The following TMC1 variants were observed in gnomAD, a reference collection of about 807,000 sequenced individuals.
TMC1 encodes transmembrane channel-like protein 1.
A neutral mutation model predicts 105.8 loss-of-function variants in TMC1; 84 were observed. The ratio of observed to expected loss-of-function variants is 0.79; its 90% CI spans 0.67 to 0.95. TMC1 has a LOEUF of 0.95. TMC1 is among the 40% of genes least tolerant of loss of function. The pLI is 0.00. For missense variants in TMC1, 817 were observed against 914.1 expected (o/e 0.89, Z 1.37); for synonymous variants, 315 against 311.5 (o/e 1.01, Z -0.12).
chr9:72,826,189 G>T (rs1035679761), intron 20 of TMC1, among the ~76,000 whole-genome samples: 1 of 152,098 alleles, frequency 6.6e-6, no homozygotes, highest in African/African-American at 2.4e-5. Context: ...GAATATTATG[G>T]TACAATTCTA....
intron 2 of TMC1, among the ~76,000 whole-genome samples, chr9:72,612,521 T>C (rs1204707900): frequency 6.6e-6 from 1 of 151,870 alleles, no homozygotes; most frequent in East Asian, 1.9e-4. Context: ...ATATTTTTGA[T>C]CTGTGAGTTA....
chr9:72,771,526 T>C (rs1003341452), intron 12 of TMC1, among the ~76,000 whole-genome samples: 2 of 152,190 alleles, frequency 1.3e-5, no homozygotes, highest in Non-Finnish European at 2.9e-5. Context: ...GATTCAGGGT[T>C]GACTCACCTG....
chr9:72,591,831 A>G (rs1320839433), intron 2 of TMC1, among the ~76,000 whole-genome samples: 1 of 152,136 alleles, frequency 6.6e-6, no homozygotes, highest in Admixed American at 6.6e-5. Context: ...TGGCCTCCCA[A>G]AGTGCTGGGA....
At chr9:72,572,647 A>T (rs1824308437) in intron 1 of TMC1, among the ~76,000 whole-genome samples, 1 of 152,124 alleles carries the variant, frequency 6.6e-6, no homozygotes, top group East Asian at 1.9e-4. Context: ...CAATTTGTAC[A>T]CTTTCTTGAT....
At chr9:72,766,114 G>A (rs1043692000) in intron 12 of TMC1, among the ~76,000 whole-genome samples, 1 of 152,118 alleles carries the variant, frequency 6.6e-6, no homozygotes, top group African/African-American at 2.4e-5. Flanking sequence ...GAGATTATGT[G>A]TGTAAAGTAT....
chr9:72,547,058 A>T (rs1402661080), intron 1 of TMC1, among the ~76,000 whole-genome samples: 1 of 152,158 alleles, frequency 6.6e-6, no homozygotes, highest in Non-Finnish European at 1.5e-5. Flanking sequence ...AGGCCAAGGC[A>T]AGTGGATCAC....
intron 13 of TMC1, among the ~76,000 whole-genome samples, chr9:72,788,122 T>G (rs1828200933): frequency 6.6e-6 from 1 of 152,210 alleles, no homozygotes; most frequent in East Asian, 1.9e-4. Flanking sequence ...GCTTAGTAGT[T>G]TATTAATCTT....
chr9:72,807,027 T>G (rs554025829), intron 18 of TMC1, among the ~76,000 whole-genome samples: 1 of 152,174 alleles, frequency 6.6e-6, no homozygotes, highest in African/African-American at 2.4e-5. Context: ...CTCGGGAGGC[T>G]GAGGCTGGCG....
chr9:72,811,599 G>C (rs775457621), intron 18 of TMC1, among the ~76,000 whole-genome samples: 19 of 152,144 alleles, frequency 1.2e-4, no homozygotes, highest in Non-Finnish European at 2.5e-4. Flanking sequence ...AGCAAGTAAA[G>C]AATATTCAAG....
intron 5 of TMC1, among the ~76,000 whole-genome samples, chr9:72,676,035 ATCC>A (rs1428935528): frequency 6.6e-6 from 1 of 152,182 alleles, no homozygotes; most frequent in African/African-American, 2.4e-5. Flanking sequence ...ACTAGAATTC[ATCC>A]TCCAATTGGT....
intron 8 of TMC1, among the ~76,000 whole-genome samples, chr9:72,702,956 G>T (rs780186549): frequency 1.3e-5 from 2 of 152,074 alleles, no homozygotes; most frequent in East Asian, 3.9e-4. Context: ...TAAGGAGACC[G>T]CACCTGACTC....
intron 8 of TMC1, among the ~76,000 whole-genome samples, chr9:72,711,866 T>C (rs1436950692): frequency 2.0e-5 from 3 of 152,260 alleles, no homozygotes; most frequent in Non-Finnish European, 4.4e-5. Context: ...TGAATGGTAT[T>C]GCCTAGGTTT....
At chr9:72,792,943 G>C (rs1828299903) in intron 17 of TMC1, among the ~76,000 whole-genome samples, 1 of 152,140 alleles carries the variant, frequency 6.6e-6, no homozygotes, top group Admixed American at 6.5e-5. Flanking sequence ...CCACCTGGTA[G>C]TGACATGAAG....
At chr9:72,627,872 C>A in intron 3 of TMC1, 49 bp from the exon 4 acceptor site, 2 of 366,054 alleles carry the variant, frequency 5.5e-6, no homozygotes, top group South Asian at 2.1e-5. Context: ...TGAAAAGGTA[C>A]TATTATTTTT....
intron 1 of TMC1, among the ~76,000 whole-genome samples, chr9:72,530,349 T>A (rs1823478314): frequency 6.6e-6 from 1 of 152,098 alleles, no homozygotes; most frequent in Non-Finnish European, 1.5e-5. Flanking sequence ...AATTTTTTTT[T>A]ATTTTTAGTA....
chr9:72,630,403 A>C (rs1825429305), intron 4 of TMC1, among the ~76,000 whole-genome samples: 1 of 152,182 alleles, frequency 6.6e-6, no homozygotes, highest in African/African-American at 2.4e-5. Flanking sequence ...AACTTTTGTA[A>C]ACTATATATA....
chr9:72,674,019 A>G (rs1454076586), intron 5 of TMC1, among the ~76,000 whole-genome samples: 6 of 152,182 alleles, frequency 3.9e-5, no homozygotes, highest in South Asian at 2.1e-4. Flanking sequence ...TAAAAATTGT[A>G]AAATATCATT....
chr9:72,679,629 AGCCATCCATTT>A (rs1826256775), intron 5 of TMC1, among the ~76,000 whole-genome samples: 1 of 152,120 alleles, frequency 6.6e-6, no homozygotes, highest in African/African-American at 2.4e-5. Flanking sequence ...GTTCATAGAC[AGCCATCCATTT>A]GCTGTGTCTC....
At chr9:72,575,289 T>A (rs1824361433) in intron 1 of TMC1, among the ~76,000 whole-genome samples, 1 of 152,124 alleles carries the variant, frequency 6.6e-6, no homozygotes, top group African/African-American at 2.4e-5. Flanking sequence ...CAAGTGATTC[T>A]CCTGCCTCAG....
Sources: gnomAD v4.1 joint callset for allele counts (sites outside exome capture counted in the v4.1 genomes callset) on GRCh38, gnomAD v4.1.1 for gene constraint, MANE v1.5 for transcripts, NCBI Gene and HGNC (gene_info 2026-07-23, HGNC 2026-07-21) for gene names.